ADCY2: variants seen among roughly 807,000 people sequenced by gnomAD.
ADCY2 encodes adenylate cyclase type 2.
In ADCY2, 31 loss-of-function variants were observed where a neutral mutation model predicts 125.2. That is an observed-to-expected ratio of 0.25 (90% CI 0.19 to 0.33). The LOEUF (loss-of-function observed/expected upper bound fraction) is 0.33. ADCY2 is among the 10% of genes least tolerant of loss of function. ADCY2 has a pLI of 1.00. For synonymous variants in ADCY2, 512 were observed against 548.4 expected, an observed-to-expected ratio of 0.93 and a Z score of 0.93; for missense variants, 904 against 1,418.2, an observed-to-expected ratio of 0.64 and a Z score of 5.82.
chr5:7,467,183 G>A (rs903012698), intron 2 of ADCY2, among the ~76,000 whole-genome samples: 4 of 152,150 alleles, frequency 2.6e-5, no homozygotes, highest in Non-Finnish European at 5.9e-5. Flanking sequence ...TAGTGGCTTC[G>A]AACCTGTGCT....
At chr5:7,815,947 C>T (rs1262569544) in intron 22 of ADCY2, among the ~76,000 whole-genome samples, 1 of 152,234 alleles carries the variant, frequency 6.6e-6, no homozygotes, top group African/African-American at 2.4e-5. Flanking sequence ...TGAGGCCTCT[C>T]TTCTCCCCCT....
chr5:7,525,438 A>G (rs1734424649), intron 3 of ADCY2, among the ~76,000 whole-genome samples: 1 of 152,204 alleles, frequency 6.6e-6, no homozygotes, highest in Non-Finnish European at 1.5e-5. Flanking sequence ...TAGTGGAACA[A>G]GATCTTTCTG....
At chr5:7,569,192 TCAACACCTAAG>T (rs916936995) in intron 3 of ADCY2, among the ~76,000 whole-genome samples, 2 of 152,078 alleles carry the variant, frequency 1.3e-5, no homozygotes, top group South Asian at 2.1e-4. Flanking sequence ...AAAGAACTTT[TCAACACCTAAG>T]CAACACCTAA....
At chr5:7,581,014 A>G (rs1018604234) in intron 3 of ADCY2, among the ~76,000 whole-genome samples, 2 of 152,228 alleles carry the variant, frequency 1.3e-5, no homozygotes, top group Admixed American at 6.5e-5. Flanking sequence ...GGCATTTTAA[A>G]TGAACAGTAA....
chr5:7,767,337 C>T (rs1743415305), intron 17 of ADCY2, among the ~76,000 whole-genome samples: 1 of 152,084 alleles, frequency 6.6e-6, no homozygotes, highest in Non-Finnish European at 1.5e-5. Flanking sequence ...CTTATTAACA[C>T]ATTAGTCTTC....
At chr5:7,553,781 C>A (rs1735415844) in intron 3 of ADCY2, among the ~76,000 whole-genome samples, 1 of 152,206 alleles carries the variant, frequency 6.6e-6, no homozygotes, top group South Asian at 2.1e-4. Flanking sequence ...AGGTTTCTCT[C>A]TCCCCAGCCA....
chr5:7,516,634 C>G (rs1332676067), intron 2 of ADCY2, among the ~76,000 whole-genome samples: 2 of 151,730 alleles, frequency 1.3e-5, no homozygotes, highest in African/African-American at 4.9e-5. Context: ...ACTGAAATGA[C>G]AATAGTGAAA....
chr5:7,576,767 C>T (rs1438050073), intron 3 of ADCY2, among the ~76,000 whole-genome samples: 1 of 152,148 alleles, frequency 6.6e-6, no homozygotes, highest in Non-Finnish European at 1.5e-5. Context: ...ATTTTACCCA[C>T]ACCCCCTTCC....
At chr5:7,424,055 C>T (rs946606842) in intron 2 of ADCY2, among the ~76,000 whole-genome samples, 3 of 152,330 alleles carry the variant, frequency 2.0e-5, no homozygotes, top group South Asian at 4.1e-4. Flanking sequence ...ACTTGTACCC[C>T]ATAACTTTGT....
intron 2 of ADCY2, among the ~76,000 whole-genome samples, chr5:7,490,028 G>A (rs1384355881): frequency 6.6e-6 from 1 of 151,800 alleles, no homozygotes; most frequent in Non-Finnish European, 1.5e-5. Flanking sequence ...CAGAAGTAAA[G>A]ACTCTAAGGA....
chr5:7,819,252 AC>A (rs1351460505), intron 23 of ADCY2, among the ~76,000 whole-genome samples: 1 of 152,184 alleles, frequency 6.6e-6, no homozygotes, highest in Non-Finnish European at 1.5e-5. Flanking sequence ...CCTCACAGAC[AC>A]ACCTAGGAAC....
chr5:7,732,617 G>A (rs1300304215), intron 14 of ADCY2, among the ~76,000 whole-genome samples: 1 of 152,166 alleles, frequency 6.6e-6, no homozygotes, highest in Non-Finnish European at 1.5e-5. Context: ...AATAATGGTG[G>A]CTCTCACTTC....
intron 17 of ADCY2, among the ~76,000 whole-genome samples, chr5:7,768,899 G>A (rs1310678522): frequency 1.3e-5 from 2 of 152,192 alleles, no homozygotes; most frequent in Non-Finnish European, 2.9e-5. Context: ...TGAACTCACG[G>A]GTTTAGCAGT....
chr5:7,751,753 A>C (rs1742831506), intron 15 of ADCY2, among the ~76,000 whole-genome samples: 1 of 152,138 alleles, frequency 6.6e-6, no homozygotes, highest in Non-Finnish European at 1.5e-5. Flanking sequence ...GGCTGGCCCA[A>C]GGAAATATCT....
chr5:7,682,836 T>C (rs987080608), intron 4 of ADCY2, among the ~76,000 whole-genome samples: 1 of 152,186 alleles, frequency 6.6e-6, no homozygotes, highest in Admixed American at 6.5e-5. Flanking sequence ...CTTTGGAGAA[T>C]ATAGACAACA....
chr5:7,474,962 A>G (rs1470549983), intron 2 of ADCY2, among the ~76,000 whole-genome samples: 2 of 152,192 alleles, frequency 1.3e-5, no homozygotes, highest in African/African-American at 4.8e-5. Flanking sequence ...GGGGAAGGGT[A>G]TCCCTGGACC....
intron 22 of ADCY2, among the ~76,000 whole-genome samples, chr5:7,807,022 A>G (rs140466750): frequency 7.0e-4 from 107 of 152,232 alleles, no homozygotes; most frequent in African/African-American, 2.5e-3. Flanking sequence ...AATGAGGGCC[A>G]TCAGGAGCAC....
intron 15 of ADCY2, among the ~76,000 whole-genome samples, chr5:7,747,652 T>C (rs74333020): frequency 6.6e-6 from 1 of 152,222 alleles, no homozygotes; most frequent in East Asian, 1.9e-4. Context: ...TCCAGCTGTC[T>C]CCTCTGTTGG....
At chr5:7,427,587 C>G (rs188047766) in intron 2 of ADCY2, among the ~76,000 whole-genome samples, 136 of 152,286 alleles carry the variant, frequency 8.9e-4, no homozygotes, top group African/African-American at 3.0e-3. Flanking sequence ...ATGGGAACTA[C>G]AATTGAAGAT....
Sources: allele counts gnomAD v4.1 joint callset (sites outside exome capture counted in the v4.1 genomes callset), GRCh38; gene constraint gnomAD v4.1.1; transcripts MANE v1.5; gene names NCBI Gene and HGNC (gene_info 2026-07-23, HGNC 2026-07-21).